The following RBAK variants were observed in gnomAD, a reference collection of about 807,000 sequenced individuals.
The protein encoded by RBAK is RB-associated KRAB zinc finger protein.
In RBAK, 39 loss-of-function variants were observed where a neutral mutation model predicts 65.8. The observed-to-expected ratio is 0.59, with a 90% confidence interval of 0.46 to 0.77. The LOEUF (loss-of-function observed/expected upper bound fraction) is 0.77, where lower values mean the gene tolerates loss of function less well. Ranked by LOEUF, RBAK falls within the 30% of genes least tolerant of loss-of-function variation. The pLI is 0.00. For missense variants in RBAK, 884 were observed against 855.1 expected (o/e 1.03, Z -0.42); for synonymous variants, 343 against 289.7 (o/e 1.18, Z -1.87).
rs781663972 is a variant in RBAK, at chr7:5,057,824, C to T, written c.238+45C>T. On this transcript the variant is annotated intron_variant, in intron 4 of 4. Coordinates refer to ENST00000396912, the MANE Select transcript of RBAK (RefSeq NM_021163.4). Reference sequence around the variant, plus strand: ...AAGGTTAAAAAATGCTCATCCCAGACCTTTGGGAGAGACTAAAGAGTTGTT... The same window carrying T: ...AAGGTTAAAAAATGCTCATCCCAGATCTTTGGGAGAGACTAAAGAGTTGTT... 7 of 1,605,944 alleles carry T rather than the reference C, an allele frequency of 4.4e-6. No homozygotes were observed. The South Asian group carries it at 5.5e-5, about 13-fold the overall frequency.
At chr7:5,058,405 C>T (rs1778981595) in intron 4 of RBAK, among the ~76,000 whole-genome samples, 1 of 152,194 alleles carries the variant, frequency 6.6e-6, no homozygotes, top group South Asian at 2.1e-4. Context: ...ATTCAGAAGT[C>T]TGACATAAAA....
rs1015621208 is a variant in RBAK at position 5,067,294 on chromosome 7, T to C, written c.*1693T>C. 19 of 152,156 alleles carry C rather than the reference T, an allele frequency of 1.2e-4. No homozygotes were observed. The highest frequency in any genetic ancestry group is 2.5e-4 in the Non-Finnish European group (17 of 68,006). The allele number at this position is 152,156 out of a possible 1,614,324, so 9.4% of individuals were successfully genotyped here. A position where few individuals can be genotyped will look rare whatever the true frequency, so the allele number is the denominator to read the frequency against. ...TATAAATCTCTATTTGCAGATGCCA[T>C]GAGTAAATTTGGTAAGTTCCCTGCA... On this transcript the variant is annotated 3_prime_UTR_variant, in exon 5 of 5. Coordinates refer to ENST00000396912, the MANE Select transcript of RBAK (RefSeq NM_021163.4).
At chr7:5,062,586 A>G (rs1209002192) in intron 4 of RBAK, among the ~76,000 whole-genome samples, 1 of 152,210 alleles carries the variant, frequency 6.6e-6, no homozygotes, top group African/African-American at 2.4e-5. Context: ...CATTGATAAC[A>G]TCTTATCAGG....
At chr7:5,056,088 G>A (rs13242851) in intron 2 of RBAK, among the ~76,000 whole-genome samples, 3 of 151,356 alleles carry the variant, frequency 2.0e-5, no homozygotes, top group African/African-American at 7.3e-5. Context: ...CTGGAGCCCA[G>A]GAGTTTTGCA....
chr7:5,064,173 A>G lies in RBAK; in HGVS notation c.717A>G (p.Gly239=), dbSNP rs1779156910. Residue 239 remains glycine, a synonymous_variant, in exon 5 of 5, where the codon GGA becomes GGG. Transcript: ENST00000396912. This position sits in a 1 kb window ranked among gnomAD's most constrained non-coding sequence, Gnocchi z 6.3. ...GEKPYEWNDS[G]PDFIQMSNFN... is the part of the protein sequence containing the mutation. ...AGCCCTATGAGTGGAATGATTCTGG[A>G]CCAGACTTCATACAGATGTCAAATT... 5 of 1,613,834 alleles carry G rather than the reference A, an allele frequency of 3.1e-6. No individual in the cohort carries two copies. Among genetic ancestry groups the G allele is most frequent in the Non-Finnish European group, 4.2e-6 (5 of 1,179,950 alleles).
At chr7:5,046,998 G>A (rs1788002267) in intron 1 of RBAK, among the ~76,000 whole-genome samples, 2 of 152,178 alleles carry the variant, frequency 1.3e-5, no homozygotes, top group African/African-American at 4.8e-5. Context: ...AGTTCAGTTA[G>A]ATAATTTAGA....
Position 5,069,289 on chromosome 7 carries a change from T to C in RBAK, c.*3688T>C, listed in dbSNP as rs1365552891. 6.6e-6 allele frequency: 1 copy of C among 152,238 alleles called. No individual in the cohort carries two copies. The highest frequency in any genetic ancestry group is 1.5e-5 in the Non-Finnish European group (1 of 68,044). 9.4% of individuals were successfully genotyped at this position (152,238 alleles called of 1,614,324 possible). A position where few individuals can be genotyped will look rare whatever the true frequency, so the allele number is the denominator to read the frequency against. On this transcript the variant is annotated 3_prime_UTR_variant, in exon 5 of 5. Transcript: ENST00000396912. The stretch of plus-strand genomic sequence containing the variant: ...TAATTCTGTGCAGGAAATACATATT[T>C]ATAGTAATTTTGATGGCAACTACTA...
At chr7:5,051,599 A>G (rs975957150) in intron 2 of RBAK, among the ~76,000 whole-genome samples, 2 of 152,218 alleles carry the variant, frequency 1.3e-5, no homozygotes, top group African/African-American at 4.8e-5. Flanking sequence ...GATTCAGTCT[A>G]GGACTGTCAA....
At position 5,064,202 on chromosome 7, in the gene RBAK, A is replaced by G; in HGVS notation, c.746A>G (p.Asn249Ser). ...GPDFIQMSNF[N>S]AYQRSQMEMK... ...GACTTCATACAGATGTCAAATTTTA[A>G]TGCATATCAGAGATCACAAATGGAA... Residue 249 changes from asparagine to serine, a missense_variant, in exon 5 of 5, where the codon AAT (asparagine) becomes AGT (serine). Asn to Ser is a conservative substitution (Grantham distance 46, BLOSUM62 1). Coordinates refer to ENST00000396912, the MANE Select transcript of RBAK (RefSeq NM_021163.4). This position sits in a 1 kb window ranked among gnomAD's most constrained non-coding sequence, Gnocchi z 6.3. 7 of 1,613,910 alleles carry G rather than the reference A, an allele frequency of 4.3e-6. No individual in the cohort carries two copies. The highest frequency in any genetic ancestry group is 5.9e-6 in the Non-Finnish European group (7 of 1,179,948).
chr7:5,057,394 G>A lies in RBAK; in HGVS notation c.115G>A (p.Glu39Lys). ...EKITYRDVMLENYSHLVSVGY... is the reference protein window; with the variant it reads ...EKITYRDVMLKNYSHLVSVGY... The stretch of plus-strand genomic sequence containing the variant: ...GATAACTTACAGGGATGTGATGTTG[G>A]AGAACTATAGCCATCTAGTTTCTGT... Residue 39 changes from glutamate (E) to lysine (K), a missense_variant, in exon 3 of 5, where the codon GAG becomes AAG. Glu to Lys is a moderately conservative substitution (Grantham distance 56). Transcript: ENST00000396912. 1 of 1,614,094 alleles carries A rather than the reference G, an allele frequency of 6.2e-7. No homozygotes were observed.
intron 4 of RBAK, among the ~76,000 whole-genome samples, chr7:5,062,085 C>T (rs1173074898): frequency 6.6e-6 from 1 of 152,124 alleles, no homozygotes; most frequent in East Asian, 1.9e-4. Context: ...GGGATGCCAC[C>T]ATCGTAGTCT....
intron 2 of RBAK, among the ~76,000 whole-genome samples, chr7:5,056,395 G>T (rs1221845440): frequency 1.3e-5 from 2 of 151,910 alleles, no homozygotes; most frequent in African/African-American, 2.4e-5. Flanking sequence ...TAGGATTATA[G>T]GCATGAGCCA....
chr7:5,059,189 A>G (rs920145875), intron 4 of RBAK, among the ~76,000 whole-genome samples: 6 of 152,184 alleles, frequency 3.9e-5, no homozygotes, highest in Non-Finnish European at 8.8e-5. Flanking sequence ...GTATTCTCCC[A>G]TACCTGGATT....
chr7:5,065,503 G>T lies in RBAK; in HGVS notation c.2047G>T (p.Glu683Ter). The T allele has an allele frequency of 6.2e-7, 1 of 1,607,118 alleles. No homozygotes were observed. Among genetic ancestry groups the T allele is most frequent in the East Asian group, 2.2e-5 (1 of 44,808 alleles). Reference sequence around the variant, plus strand: ...AGGAGAGAAACCCTATGAATGTAACGAGTGTGGGAAAAAATTCCACCACAG... The same window carrying T: ...AGGAGAGAAACCCTATGAATGTAACTAGTGTGGGAAAAAATTCCACCACAG... The part of the protein sequence containing the change: ...HSGEKPYECN[E>*]CGKKFHHRSA... The change falls in exon 5 of 5, where the codon GAG (glutamate) becomes TAG (stop). Residue 683 changes from glutamate to a stop codon, truncating the protein, a stop_gained. Coordinates refer to ENST00000396912, the MANE Select transcript of RBAK (RefSeq NM_021163.4). LOFTEE classifies it high-confidence loss of function. This position sits in a 1 kb window ranked among gnomAD's most constrained non-coding sequence, Gnocchi z 5.3.
At chr7:5,054,703 G>A (rs1204097146) in intron 2 of RBAK, among the ~76,000 whole-genome samples, 2 of 152,050 alleles carry the variant, frequency 1.3e-5, no homozygotes, top group Admixed American at 6.6e-5. Context: ...TGAGTGCTGG[G>A]ATTACAGGCA....
intron 1 of RBAK, 27 bp downstream of exon 1, chr7:5,046,423 G>A (rs749116114): frequency 4.7e-5 from 24 of 511,780 alleles, no homozygotes; most frequent in South Asian, 2.4e-4. Flanking sequence ...CGGGCCCGGA[G>A]CGAGAAGGGC....
rs905340583 is a variant in RBAK at position 5,054,365 on chromosome 7, A to T, written c.16-2930A>T. 2.7e-5 allele frequency among the ~76,000 whole-genome samples: 4 copies of T among 150,262 alleles called. No homozygotes were observed. The South Asian group carries it at 6.3e-4, about 24-fold the overall frequency. The stretch of plus-strand genomic sequence containing the variant: ...GGTTGCAGTGAGCCAAGATTGTGCC[A>T]TTGCACTCCAGCCTAGAAGACAAGA... On this transcript the variant is annotated intron_variant, in intron 2 of 4. Transcript: ENST00000396912.
intron 2 of RBAK, 69 bp from the exon 3 acceptor site, chr7:5,057,226 G>C: frequency 6.2e-7 from 1 of 1,610,908 alleles, no homozygotes; most frequent in Non-Finnish European, 8.5e-7. Flanking sequence ...TTTACCGGTG[G>C]GCTTTGTAAA....
chr7:5,061,202 C>T (rs1028021243), intron 4 of RBAK, among the ~76,000 whole-genome samples: 1 of 152,098 alleles, frequency 6.6e-6, no homozygotes, highest in Non-Finnish European at 1.5e-5. Context: ...GATTTAGGCA[C>T]TCATATTCAC....
Sources: allele counts gnomAD v4.1 joint callset (sites outside exome capture counted in the v4.1 genomes callset), GRCh38; gene constraint gnomAD v4.1.1; non-coding constraint Gnocchi (gnomAD v3.1); transcripts MANE v1.5; gene names NCBI Gene and HGNC (gene_info 2026-07-23, HGNC 2026-07-21).